The following HJURP variants were observed in gnomAD, a reference collection of about 807,000 sequenced individuals.
The protein encoded by HJURP is 14-3-3-associated AKT substrate.
In HJURP, 49 loss-of-function variants were observed where a neutral mutation model predicts 72.0. The ratio of observed to expected loss-of-function variants is 0.68; its 90% CI spans 0.54 to 0.86. The LOEUF is 0.86. Ranked by LOEUF, HJURP falls within the 40% of genes least tolerant of loss-of-function variation. The probability of loss-of-function intolerance (pLI) is 0.00; values close to 1 mark genes in which losing one functional copy is unlikely to be tolerated. For missense variants in HJURP, 908 were observed against 936.3 expected, an observed-to-expected ratio of 0.97 and a Z score of 0.39; for synonymous variants, 357 against 347.1, an observed-to-expected ratio of 1.03 and a Z score of -0.32.
chr2:233,839,829 AACAC>A (rs1705176390), intron 8 of HJURP, among the ~76,000 whole-genome samples: 1 of 152,122 alleles, frequency 6.6e-6, no homozygotes, highest in Non-Finnish European at 1.5e-5. Context: ...TGGAACCACA[AACAC>A]ACAAAACCCA....
rs1559500509 is a variant in HJURP at position 233,853,930 on chromosome 2, T to C, written c.118-20A>G. On this transcript the variant is annotated intron_variant, in intron 1 of 8. Transcript: ENST00000411486. ...GTTGTACTGCGGAGGAGGAAGGGGC[T>C]TCCTGTCAGGTTCCAGGGCCACGAG... The C allele has an allele frequency of 2.5e-6, 4 of 1,611,936 alleles. No homozygotes were observed. Among genetic ancestry groups the C allele is most frequent in the Non-Finnish European group, 3.4e-6 (4 of 1,178,700 alleles).
At chr2:233,851,393 G>A (rs1327837799) in intron 3 of HJURP, among the ~76,000 whole-genome samples, 1 of 151,992 alleles carries the variant, frequency 6.6e-6, no homozygotes, top group Non-Finnish European at 1.5e-5. Flanking sequence ...ATTATTTTCG[G>A]CCACTTTCCT....
chr2:233,838,293 CG>C (rs1349025713), intron 8 of HJURP, among the ~76,000 whole-genome samples: 3 of 152,150 alleles, frequency 2.0e-5, no homozygotes, highest in Non-Finnish European at 4.4e-5. Context: ...GAGGGCCCTG[CG>C]GGGCCACCAA....
In HJURP at chr2:233,846,520, T is replaced by C. The variant is rs762185290; in HGVS notation, c.403-700A>G. Among the ~76,000 whole-genome samples, 13 of 152,146 alleles carry C rather than the reference T, an allele frequency of 8.5e-5. No homozygotes were observed. Among genetic ancestry groups the C allele is most frequent in the Non-Finnish European group, 1.6e-4 (11 of 68,022 alleles). ...GGAGGCTCTCCTACCCCTCCCCTGCTAGACACTGGAAATAGAGGGCGTCAC... is the reference window on the plus strand; with the variant it reads ...GGAGGCTCTCCTACCCCTCCCCTGCCAGACACTGGAAATAGAGGGCGTCAC... On this transcript the variant is annotated intron_variant, in intron 5 of 8. Coordinates refer to ENST00000411486, the MANE Select transcript of HJURP (RefSeq NM_018410.5). The surrounding 1 kb of genome is among the most constrained non-coding windows in gnomAD (Gnocchi z 4.3).
In HJURP at chr2:233,839,224, G is replaced by A. The variant is rs539467541; in HGVS notation, c.2171+1385C>T. On this transcript the variant is annotated intron_variant, in intron 8 of 8. Transcript: ENST00000411486. ...AGAACTGAGCCAAGGAGCCTGAGCC[G>A]CTAACCCATGAGACTGGTCTGTGTC... is the stretch of plus-strand genomic sequence containing the variant. Among the ~76,000 whole-genome samples, 9 of 152,326 alleles carry A rather than the reference G, an allele frequency of 5.9e-5. No homozygotes were observed. The South Asian group carries it at 6.2e-4, about 11-fold the overall frequency.
chr2:233,853,695 C>G, intron 2 of HJURP, 149 bp downstream of exon 2: 3 of 585,254 alleles, frequency 5.1e-6, no homozygotes, highest in Non-Finnish European at 9.1e-6. Flanking sequence ...ATAAGTAATT[C>G]AAGTAATTTA....
rs750436439 is a variant in HJURP at position 233,849,859 on chromosome 2, C to T, written c.241G>A (p.Asp81Asn). 1.3e-6 allele frequency: 2 copies of T among 1,538,800 alleles called. No individual in the cohort carries two copies. Among genetic ancestry groups the T allele is most frequent in the South Asian group, 2.4e-5 (2 of 83,750 alleles). Reference protein sequence around the residue: ...IKERNEGEIQDSSMKPADRTD... With the variant: ...IKERNEGEIQNSSMKPADRTD... The stretch of plus-strand genomic sequence containing the variant: ...CTGTCCGCGGGCTTCATGGAGGAGT[C>T]CTCCAAGTGCAGAAGCCAATAAAAA... Residue 81 changes from aspartate to asparagine, a missense_variant and splice_region_variant, in exon 4 of 9, where the codon GAC becomes AAC. Coordinates refer to ENST00000411486, the MANE Select transcript of HJURP (RefSeq NM_018410.5).
chr2:233,849,774 A>G lies in HJURP; in HGVS notation c.326T>C (p.Val109Ala). 6.4e-7 allele frequency: 1 copy of G among 1,552,570 alleles called. No individual in the cohort carries two copies. Among genetic ancestry groups the G allele is most frequent in the South Asian group, 1.2e-5 (1 of 84,138 alleles). ...WGPELPSHRT[V>A]LGADSKSGEV... ...AAGGCAACACTCACCGGCTCCCAGG[A>G]CTGTGCGGTGCGAGGGAAGCTCAGG... The change falls in exon 4 of 9, where the codon GTC (valine) becomes GCC (alanine). Residue 109 changes from valine (V) to alanine (A), a missense_variant. Coordinates refer to ENST00000411486, the MANE Select transcript of HJURP (RefSeq NM_018410.5).
At chr2:233,850,428 C>G (rs1705471209) in intron 3 of HJURP, among the ~76,000 whole-genome samples, 1 of 152,214 alleles carries the variant, frequency 6.6e-6, no homozygotes, top group African/African-American at 2.4e-5. Context: ...CTTCAGCTCT[C>G]CAGAGCCTGC....
intron 1 of HJURP, 27 bp downstream of exon 1, chr2:233,854,357 C>T (rs901186174): frequency 1.7e-5 from 26 of 1,554,172 alleles, no homozygotes; most frequent in Middle Eastern, 1.8e-4. Flanking sequence ...CAGGCCTCCC[C>T]TCCCGGCGGA....
Position 233,853,918 on chromosome 2 carries a change from G to A in HJURP, c.118-8C>T, listed in dbSNP as rs768854277. 1.9e-6 allele frequency: 3 copies of A among 1,613,404 alleles called. No homozygotes were observed. The highest frequency in any genetic ancestry group is 4.5e-5 in the East Asian group (2 of 44,860). ...CTCGAAGGGCTGGTTGTACTGCGGA[G>A]GAGGAAGGGGCTTCCTGTCAGGTTC... On this transcript the variant is annotated splice_polypyrimidine_tract_variant and splice_region_variant and intron_variant, in intron 1 of 8. Transcript: ENST00000411486.
In HJURP at chr2:233,849,777, G is replaced by A; in HGVS notation, c.323C>T (p.Thr108Ile). The A allele has an allele frequency of 6.4e-7, 1 of 1,552,918 alleles. No individual in the cohort carries two copies. Among genetic ancestry groups the A allele is most frequent in the Non-Finnish European group, 8.7e-7 (1 of 1,147,756 alleles). The change falls in exon 4 of 9, where the codon ACA becomes ATA. Residue 108 changes from threonine (T) to isoleucine (I), a missense_variant. This residue lies in a region of HJURP where 299 missense variants were observed against 286.7 expected (regional missense o/e 1.04). Transcript: ENST00000411486. ...GCAACACTCACCGGCTCCCAGGACT[G>A]TGCGGTGCGAGGGAAGCTCAGGACC... ...AWGPELPSHR[T>I]VLGADSKSGE...
intron 3 of HJURP, among the ~76,000 whole-genome samples, chr2:233,850,637 G>A (rs1705475198): frequency 6.6e-6 from 1 of 152,244 alleles, no homozygotes; most frequent in Non-Finnish European, 1.5e-5. Flanking sequence ...TGAGGGTTCA[G>A]AGGACTTGGG....
In HJURP at chr2:233,841,054, G is replaced by A. The variant is rs767657645; in HGVS notation, c.1726C>T (p.Arg576Cys). The A allele has an allele frequency of 4.3e-6, 7 of 1,614,106 alleles. No homozygotes were observed. Among genetic ancestry groups the A allele is most frequent in the African/African-American group, 1.3e-5 (1 of 75,030 alleles). ...DKEVPGHGRNRYDEIKEEFDK... is the reference protein window; with the variant it reads ...DKEVPGHGRNCYDEIKEEFDK... ...AATTCTTCTTTAATTTCATCGTAAC[G>A]ATTCCTTCCGTGGCCTGGCACTTCT... The change falls in exon 8 of 9, where the codon CGT becomes TGT. Residue 576 changes from arginine (R) to cysteine (C), a missense_variant. By Grantham distance (180) the Arg-to-Cys change is radical (BLOSUM62 -3). Transcript: ENST00000411486.
At chr2:233,852,715 A>G (rs1317973918) in intron 2 of HJURP, 95 bp from the exon 3 acceptor site, 6 of 847,538 alleles carry the variant, frequency 7.1e-6, no homozygotes, top group Non-Finnish European at 1.2e-5. Context: ...GACAGGCAAA[A>G]AAAAGGTACA....
intron 8 of HJURP, among the ~76,000 whole-genome samples, chr2:233,838,564 AAAGG>A (rs1705138977): frequency 6.6e-6 from 1 of 152,078 alleles, no homozygotes; most frequent in Admixed American, 6.5e-5. Flanking sequence ...GATGATGGTA[AAAGG>A]AAGAGCTGGG....
At position 233,837,501 on chromosome 2, in the gene HJURP, C is replaced by G. The variant is rs1705105648; in HGVS notation, c.*76G>C. Reference sequence around the variant, plus strand: ...GAGAAGTCAACCAAGTCCTCACAGTCTCAAGAATCAAAAACAAAACAAAAA... The same window carrying G: ...GAGAAGTCAACCAAGTCCTCACAGTGTCAAGAATCAAAAACAAAACAAAAA... On this transcript the variant is annotated 3_prime_UTR_variant, in exon 9 of 9. Transcript: ENST00000411486. The G allele has an allele frequency of 9.7e-7, 1 of 1,029,676 alleles. No homozygotes were observed. The highest frequency in any genetic ancestry group is 2.4e-5 in the East Asian group (1 of 42,206). The allele number at this position is 1,029,676 out of a possible 1,614,324, so 63.8% of individuals were successfully genotyped here.
chr2:233,853,814 G>C lies in HJURP; in HGVS notation c.184+30C>G, dbSNP rs762194109. The stretch of plus-strand genomic sequence containing the variant: ...ACTACTCCATTCACACTCTTCACCC[G>C]AATACTCAGAAGGTGGGGAAGACCC... On this transcript the variant is annotated intron_variant, in intron 2 of 8. Coordinates refer to ENST00000411486, the MANE Select transcript of HJURP (RefSeq NM_018410.5). 1.9e-6 allele frequency: 3 copies of C among 1,580,424 alleles called. No individual in the cohort carries two copies. The South Asian group carries it at 3.3e-5, about 18-fold the overall frequency.
At chr2:233,852,689 C>A (rs981871901) in intron 2 of HJURP, 69 bp from the exon 3 acceptor site, 1 of 1,151,928 alleles carries the variant, frequency 8.7e-7, no homozygotes, top group Non-Finnish European at 1.3e-6. Context: ...AATCTGTGTT[C>A]ACCAGATGCC....
Sources: gnomAD v4.1 joint callset for allele counts (sites outside exome capture counted in the v4.1 genomes callset) on GRCh38, gnomAD v4.1.1 for gene constraint, gnomAD v4.1.1 regional missense constraint, Gnocchi (gnomAD v3.1) non-coding constraint, MANE v1.5 for transcripts, NCBI Gene and HGNC (gene_info 2026-07-23, HGNC 2026-07-21) for gene names.